Variants in RADX observed in about 807,000 individuals in gnomAD.
RADX encodes RPA1 related single stranded DNA binding protein, X-linked, also known as RPA-related protein RADX.
A neutral mutation model predicts 61.6 loss-of-function variants in RADX; 36 were observed. The ratio of observed to expected loss-of-function variants is 0.58; its 90% CI spans 0.45 to 0.77. The LOEUF (loss-of-function observed/expected upper bound fraction) is 0.77. Among genes scored for constraint, RADX ranks in the 30% least tolerant of loss-of-function variants. The pLI, the probability that RADX is intolerant of heterozygous loss-of-function variation, is 0.00. For synonymous variants in RADX, 272 were observed against 237.9 expected (o/e 1.14, Z -1.32); for missense variants, 497 against 651.1 (o/e 0.76, Z 2.58).
At chrX:106,627,337 T>C (rs1483885507) in intron 3 of RADX, among the ~76,000 whole-genome samples, 1 of 111,917 alleles carries the variant, frequency 8.9e-6, no homozygotes, top group African/African-American at 3.2e-5. Context: ...TAGCATTTTC[T>C]TTATTTTTAA....
At chrX:106,639,411 C>G in intron 8 of RADX, 116 bp from the exon 9 acceptor site, 1 of 580,435 alleles carries the variant, frequency 1.7e-6, no homozygotes, top group Non-Finnish European at 2.6e-6. Flanking sequence ...CACAGTGTCT[C>G]ACAGTTAATG....
intron 10 of RADX, among the ~76,000 whole-genome samples, chrX:106,647,525 A>T (rs1927690107): frequency 9.0e-6 from 1 of 110,838 alleles, no homozygotes; most frequent in Non-Finnish European, 1.9e-5. Context: ...GGGATGCTCG[A>T]TTATATGGTA....
At chrX:106,641,142 A>G (rs1927503492) in intron 10 of RADX, among the ~76,000 whole-genome samples, 1 of 110,760 alleles carries the variant, frequency 9.0e-6, no homozygotes, top group African/African-American at 3.3e-5. Flanking sequence ...ACCCTAATCC[A>G]GTATGACGTC....
At chrX:106,624,741 T>C (rs1216208096) in intron 2 of RADX, among the ~76,000 whole-genome samples, 1 of 111,853 alleles carries the variant, frequency 8.9e-6, no homozygotes, top group African/African-American at 3.2e-5. Context: ...CCAAAATGTA[T>C]ATTCATCATT....
intron 11 of RADX, among the ~76,000 whole-genome samples, chrX:106,659,661 A>G (rs1043013607): frequency 9.0e-5 from 10 of 111,195 alleles, no homozygotes; most frequent in Non-Finnish European, 1.5e-4. Context: ...TCTCTTTCCT[A>G]TTTATTGTCT....
At chrX:106,625,972 T>C (rs1341228158) in intron 3 of RADX, among the ~76,000 whole-genome samples, 1 of 111,720 alleles carries the variant, frequency 9.0e-6, no homozygotes, top group Non-Finnish European at 1.9e-5. Context: ...AAATTTAAAA[T>C]TGATACAATA....
At chrX:106,658,551 A>G (rs189068266) in intron 11 of RADX, among the ~76,000 whole-genome samples, 1 of 112,370 alleles carries the variant, frequency 8.9e-6, no homozygotes, top group Admixed American at 9.4e-5. Flanking sequence ...AAAATTATTT[A>G]TAATAGGGAA....
intron 11 of RADX, among the ~76,000 whole-genome samples, chrX:106,660,540 G>A (rs764969983): frequency 1.7e-4 from 19 of 112,124 alleles, no homozygotes; most frequent in African/African-American, 5.5e-4. Context: ...GCCTCAGCAA[G>A]GTTTTTTATG....
chrX:106,673,119 A>G (rs1054424224), intron 13 of RADX, among the ~76,000 whole-genome samples: 7 of 111,333 alleles, frequency 6.3e-5, no homozygotes, highest in Non-Finnish European at 3.8e-5. Flanking sequence ...TTGTTGCTCT[A>G]CCTCCCTGTG....
chrX:106,613,233 C>T (rs987050079), intron 1 of RADX, among the ~76,000 whole-genome samples: 3 of 111,823 alleles, frequency 2.7e-5, no homozygotes, highest in Non-Finnish European at 5.6e-5. Flanking sequence ...TTGATTGAAA[C>T]GCCGTGTAAC....
intron 1 of RADX, among the ~76,000 whole-genome samples, chrX:106,619,845 T>C (rs1052391215): frequency 4.5e-5 from 5 of 112,053 alleles, no homozygotes; most frequent in Non-Finnish European, 9.4e-5. Flanking sequence ...TTTTTATTAA[T>C]TTTTCCAGAG....
At chrX:106,623,911 G>A (rs1927014810) in intron 2 of RADX, among the ~76,000 whole-genome samples, 1 of 110,706 alleles carries the variant, frequency 9.0e-6, no homozygotes, top group Non-Finnish European at 1.9e-5. Flanking sequence ...TCTCATTGTT[G>A]CAATACTTTC....
intron 10 of RADX, among the ~76,000 whole-genome samples, chrX:106,647,149 C>T (rs971539311): frequency 2.7e-5 from 3 of 110,837 alleles, no homozygotes; most frequent in Non-Finnish European, 5.7e-5. Context: ...CTCCCCTTCC[C>T]AGCCTCTGGT....
chrX:106,655,889 T>C (rs1325684300), intron 11 of RADX, among the ~76,000 whole-genome samples: 2 of 111,897 alleles, frequency 1.8e-5, no homozygotes, highest in Middle Eastern at 4.2e-3. Context: ...ATGATATTTC[T>C]AGTTCTAGAT....
At position 106,679,086 on chromosome X, in the gene RADX, A is replaced by G. The variant is rs1928583438; in HGVS notation, c.*828A>G. The G allele has an allele frequency of 1.8e-5, 2 of 112,340 alleles. No individual in the cohort carries two copies. Among genetic ancestry groups the G allele is most frequent in the African/African-American group, 6.5e-5 (2 of 30,848 alleles). The allele number at this position is 112,340 out of a possible 1,213,427, so 9.3% of individuals were successfully genotyped here. On this transcript the variant is annotated 3_prime_UTR_variant, in exon 14 of 14. Coordinates refer to ENST00000372548, the MANE Select transcript of RADX (RefSeq NM_018015.6). Reference sequence around the variant, plus strand: ...CTGGTTGTCTATAATACTTCATTTTAAATGTAAATGGCCACTCTGCATTTG... The same window carrying G: ...CTGGTTGTCTATAATACTTCATTTTGAATGTAAATGGCCACTCTGCATTTG...
chrX:106,634,881 A>G (rs1927324409), intron 6 of RADX, among the ~76,000 whole-genome samples: 1 of 112,369 alleles, frequency 8.9e-6, no homozygotes, highest in Non-Finnish European at 1.9e-5. Flanking sequence ...GATTTCTCGC[A>G]GGAACTTTGC....
chrX:106,641,168 A>T (rs942959967), intron 10 of RADX, among the ~76,000 whole-genome samples: 1 of 110,444 alleles, frequency 9.1e-6, no homozygotes, highest in African/African-American at 3.3e-5. Flanking sequence ...TATCAGTAAC[A>T]TCTGCTATGA....
chrX:106,615,635 T>C (rs958948366), intron 1 of RADX, among the ~76,000 whole-genome samples: 2 of 111,847 alleles, frequency 1.8e-5, no homozygotes, highest in Non-Finnish European at 3.8e-5. Flanking sequence ...CATAGAATCA[T>C]AGCATTCTGA....
chrX:106,646,183 G>A (rs188606486), intron 10 of RADX, among the ~76,000 whole-genome samples: 203 of 110,853 alleles, frequency 1.8e-3, no homozygotes, highest in African/African-American at 6.4e-3. Flanking sequence ...TTTATTTTCA[G>A]TTTACATGTA....
Sources: gnomAD v4.1 joint callset for allele counts (sites outside exome capture counted in the v4.1 genomes callset) on GRCh38, gnomAD v4.1.1 for gene constraint, MANE v1.5 for transcripts, NCBI Gene and HGNC (gene_info 2026-07-23, HGNC 2026-07-21) for gene names.